FBXW11: variants seen among roughly 807,000 people sequenced by gnomAD.
FBXW11 encodes F-box and WD repeat domain containing 11.
FBXW11 carries 19 observed loss-of-function variants against 77.6 expected under a neutral mutation model. That is an observed-to-expected ratio of 0.24 (90% CI 0.17 to 0.36). FBXW11 has a LOEUF of 0.36. Among genes scored for constraint, FBXW11 ranks in the 10% least tolerant of loss-of-function variants. The pLI, the probability that FBXW11 is intolerant of heterozygous loss-of-function variation, is 1.00. For synonymous variants in FBXW11, 235 were observed against 249.4 expected (o/e 0.94, Z 0.54); for missense variants, 334 against 704.2 (o/e 0.47, Z 5.95).
intron 2 of FBXW11, among the ~76,000 whole-genome samples, chr5:171,951,379 C>A (rs1201842994): frequency 6.6e-6 from 1 of 151,778 alleles, no homozygotes; most frequent in African/African-American, 2.4e-5. Context: ...GTACAAAAAA[C>A]TGAAAAATTA....
At chr5:171,988,822 G>A (rs993848825) in intron 1 of FBXW11, among the ~76,000 whole-genome samples, 3 of 151,778 alleles carry the variant, frequency 2.0e-5, no homozygotes, top group Non-Finnish European at 4.4e-5. Context: ...TCCAGCCCGG[G>A]CAACAGAGCG....
chr5:171,957,789 G>A (rs375321320), intron 1 of FBXW11, 91 bp from the exon 2 acceptor site: 2 of 1,080,286 alleles, frequency 1.9e-6, no homozygotes, highest in Admixed American at 1.8e-5. Flanking sequence ...TGTTAGTTGG[G>A]GCAGGGGGTG....
In FBXW11 at chr5:172,001,499, A is replaced by C. The variant is rs1766410305; in HGVS notation, c.45+4959T>G. On this transcript the variant is annotated intron_variant, in intron 1 of 13. Coordinates refer to ENST00000517395, the MANE Select transcript of FBXW11 (RefSeq NM_001378974.1). ...CACAAAGAAGACACCGTGTGTATGA[A>C]GGAACTGTGTGTCACTGGAAGATAA... Among the ~76,000 whole-genome samples the C allele has an allele frequency of 3.3e-5, 5 of 152,358 alleles. No individual in the cohort carries two copies. The South Asian group carries it at 1.0e-3, about 32-fold the overall frequency.
At chr5:171,956,878 C>T (rs758922330) in intron 2 of FBXW11, among the ~76,000 whole-genome samples, 5 of 152,202 alleles carry the variant, frequency 3.3e-5, no homozygotes, top group Non-Finnish European at 5.9e-5. Flanking sequence ...ATGTTTTCTT[C>T]CTTGGCTCTC....
chr5:171,968,238 C>T lies in FBXW11; in HGVS notation c.46-10540G>A, dbSNP rs1049532783. Among the ~76,000 whole-genome samples, 10 of 152,068 alleles carry T rather than the reference C, an allele frequency of 6.6e-5. No individual in the cohort carries two copies. The East Asian group carries it at 1.6e-3, about 24-fold the overall frequency. On this transcript the variant is annotated intron_variant, in intron 1 of 13. Coordinates refer to ENST00000517395, the MANE Select transcript of FBXW11 (RefSeq NM_001378974.1). Reference sequence around the variant, plus strand: ...TTGGGAGGCCGAGGTGGGCGGATCACGAGGTCAGGAGATCGAGACCATCCC... The same window carrying T: ...TTGGGAGGCCGAGGTGGGCGGATCATGAGGTCAGGAGATCGAGACCATCCC...
chr5:171,875,726 T>C (rs536124496), intron 9 of FBXW11, among the ~76,000 whole-genome samples: 21 of 152,264 alleles, frequency 1.4e-4, no homozygotes, highest in African/African-American at 5.1e-4. Context: ...TTCAACTCCT[T>C]GTTACAAGTC....
At chr5:171,980,421 A>G (rs1765076761) in intron 1 of FBXW11, among the ~76,000 whole-genome samples, 1 of 152,336 alleles carries the variant, frequency 6.6e-6, no homozygotes, top group African/African-American at 2.4e-5. Flanking sequence ...AAACATGATT[A>G]AGACAGTGGA....
chr5:171,894,257 G>A (rs1268290421), intron 6 of FBXW11, among the ~76,000 whole-genome samples: 1 of 152,164 alleles, frequency 6.6e-6, no homozygotes, highest in Non-Finnish European at 1.5e-5. Flanking sequence ...CTAGGGAACA[G>A]GACCTCTCAA....
intron 2 of FBXW11, among the ~76,000 whole-genome samples, chr5:171,925,236 C>A (rs1445845862): frequency 1.3e-5 from 2 of 152,144 alleles, no homozygotes. Context: ...ATTGAAAACC[C>A]CTGAAAAACC....
intron 1 of FBXW11, among the ~76,000 whole-genome samples, chr5:172,000,784 T>C (rs980215143): frequency 2.6e-5 from 4 of 152,226 alleles, no homozygotes; most frequent in African/African-American, 4.8e-5. Context: ...CAAATCATAC[T>C]GCAGAAAGGT....
intron 2 of FBXW11, among the ~76,000 whole-genome samples, chr5:171,950,663 A>T (rs545842389): frequency 1.9e-4 from 29 of 152,318 alleles, no homozygotes; most frequent in Non-Finnish European, 3.5e-4. Context: ...AGGCGGGCAG[A>T]CCACCTGAGG....
At chr5:171,923,796 A>C (rs1253828786) in intron 2 of FBXW11, among the ~76,000 whole-genome samples, 1 of 152,078 alleles carries the variant, frequency 6.6e-6, no homozygotes, top group Non-Finnish European at 1.5e-5. Flanking sequence ...TCTTACAATT[A>C]AAAATGGCGG....
intron 2 of FBXW11, among the ~76,000 whole-genome samples, chr5:171,937,756 A>T (rs111329762): frequency 3.4e-4 from 50 of 148,684 alleles, no homozygotes; most frequent in African/African-American, 1.0e-3. Flanking sequence ...TGAACCTGGG[A>T]GGTTGAAGCT....
intron 1 of FBXW11, among the ~76,000 whole-genome samples, chr5:172,006,251 G>A (rs1253745855): frequency 2.0e-5 from 3 of 152,234 alleles, no homozygotes; most frequent in African/African-American, 7.2e-5. Context: ...CGAGGGGCAT[G>A]GAGGGGGCCG....
chr5:171,931,599 T>C (rs150709583), intron 2 of FBXW11, among the ~76,000 whole-genome samples: 135 of 152,302 alleles, frequency 8.9e-4, no homozygotes, highest in African/African-American at 3.0e-3. Flanking sequence ...AAAATCTAGA[T>C]GATCTTAGGT....
chr5:171,875,250 T>A (rs867423253), intron 9 of FBXW11, among the ~76,000 whole-genome samples: 109 of 148,178 alleles, frequency 7.4e-4, no homozygotes, highest in African/African-American at 2.6e-3. Context: ...TCTGTACTTT[T>A]AAAAAAAAAA....
At chr5:171,952,447 A>ATATATATATATATATATATTTTTTT (rs1200841290) in intron 2 of FBXW11, among the ~76,000 whole-genome samples, 1 of 6,948 alleles carries the variant, frequency 1.4e-4, no homozygotes, top group Non-Finnish European at 3.2e-4. Context: ...ATATATATAT[A>ATATATATATATATATATATTTTTTT]TTTTTTTTTT....
chr5:171,944,882 C>T (rs1471158433), intron 2 of FBXW11, among the ~76,000 whole-genome samples: 1 of 151,970 alleles, frequency 6.6e-6, no homozygotes, highest in Non-Finnish European at 1.5e-5. Context: ...AATATTATAC[C>T]AGATAATCCT....
intron 7 of FBXW11, among the ~76,000 whole-genome samples, chr5:171,880,119 G>A (rs1250778915): frequency 6.6e-6 from 1 of 152,154 alleles, no homozygotes; most frequent in African/African-American, 2.4e-5. Flanking sequence ...GAAGTATATA[G>A]GATCTATGTC....
Sources: gnomAD v4.1 joint callset for allele counts (sites outside exome capture counted in the v4.1 genomes callset) on GRCh38, gnomAD v4.1.1 for gene constraint, MANE v1.5 for transcripts, NCBI Gene and HGNC (gene_info 2026-07-23, HGNC 2026-07-21) for gene names.